PLCXD3: variants seen among roughly 807,000 people sequenced by gnomAD.
PLCXD3 encodes PI-PLC X domain-containing protein 3.
In PLCXD3, 19 loss-of-function variants were observed where a neutral mutation model predicts 25.5. That is an observed-to-expected ratio of 0.75 (90% confidence interval 0.52 to 1.09). The LOEUF (loss-of-function observed/expected upper bound fraction) is 1.09. PLCXD3 is among the 50% of genes least tolerant of loss of function. The pLI is 0.00. For missense variants in PLCXD3, 411 were observed against 388.1 expected (o/e 1.06, Z -0.50); for synonymous variants, 174 against 137.6 (o/e 1.26, Z -1.85).
At chr5:41,442,647 A>T (rs962408000) in intron 1 of PLCXD3, among the ~76,000 whole-genome samples, 1 of 152,232 alleles carries the variant, frequency 6.6e-6, no homozygotes. Context: ...AAAAGTAAGC[A>T]AACTAAGCAA....
At chr5:41,399,021 A>G (rs1360470045) in intron 1 of PLCXD3, among the ~76,000 whole-genome samples, 1 of 152,132 alleles carries the variant, frequency 6.6e-6, no homozygotes, top group Admixed American at 6.6e-5. Flanking sequence ...TATAAAATCA[A>G]CATACAAAAA....
intron 1 of PLCXD3, among the ~76,000 whole-genome samples, chr5:41,449,622 C>T (rs1326548067): frequency 6.6e-6 from 1 of 152,090 alleles, no homozygotes; most frequent in Non-Finnish European, 1.5e-5. Flanking sequence ...GTGTAAAGTA[C>T]ACTGATAAGC....
chr5:41,395,167 G>C (rs2150497652), intron 1 of PLCXD3, among the ~76,000 whole-genome samples: 1 of 152,188 alleles, frequency 6.6e-6, no homozygotes, highest in East Asian at 1.9e-4. Context: ...TTAACAACAA[G>C]ATGAATTTGG....
chr5:41,480,562 A>G (rs1471228793), intron 1 of PLCXD3, among the ~76,000 whole-genome samples: 1 of 151,822 alleles, frequency 6.6e-6, no homozygotes. Context: ...GAAATTCAGT[A>G]CTGTTTAGTT....
chr5:41,419,991 T>A (rs1202827329), intron 1 of PLCXD3, among the ~76,000 whole-genome samples: 1 of 152,220 alleles, frequency 6.6e-6, no homozygotes, highest in Non-Finnish European at 1.5e-5. Context: ...GTCTTTCCTT[T>A]TTCCCATTTC....
intron 1 of PLCXD3, among the ~76,000 whole-genome samples, chr5:41,411,984 A>G (rs1207439287): frequency 7.3e-6 from 1 of 136,082 alleles, no homozygotes; most frequent in Non-Finnish European, 1.6e-5. Context: ...ATCCATATAT[A>G]TCCATATCTA....
At chr5:41,464,988 G>A (rs188533971) in intron 1 of PLCXD3, among the ~76,000 whole-genome samples, 2 of 152,010 alleles carry the variant, frequency 1.3e-5, no homozygotes, top group African/African-American at 2.4e-5. Context: ...CAAAATATCT[G>A]CTTCTTGTTT....
At chr5:41,321,969 G>T (rs1398520248) in intron 2 of PLCXD3, among the ~76,000 whole-genome samples, 2 of 152,148 alleles carry the variant, frequency 1.3e-5, no homozygotes, top group Non-Finnish European at 2.9e-5. Flanking sequence ...CTCAAACTAT[G>T]AAACTACTAT....
chr5:41,448,685 C>T (rs567579604), intron 1 of PLCXD3, among the ~76,000 whole-genome samples: 1 of 152,118 alleles, frequency 6.6e-6, no homozygotes, highest in African/African-American at 2.4e-5. Flanking sequence ...TTCTTCTTTC[C>T]CTACCTCTTT....
chr5:41,407,610 C>G (rs1314315030), intron 1 of PLCXD3, among the ~76,000 whole-genome samples: 2 of 152,114 alleles, frequency 1.3e-5, no homozygotes, highest in Non-Finnish European at 2.9e-5. Context: ...GATTTTATGT[C>G]ATTAAAGACA....
chr5:41,461,800 C>T (rs958711417), intron 1 of PLCXD3, among the ~76,000 whole-genome samples: 2 of 151,938 alleles, frequency 1.3e-5, no homozygotes, highest in South Asian at 4.1e-4. Flanking sequence ...TCAGACTCTG[C>T]GTTGACACCT....
Position 41,313,280 on chromosome 5 carries a change from A to G in PLCXD3, c.*337T>C. On this transcript the variant is annotated 3_prime_UTR_variant, in exon 3 of 3. Transcript: ENST00000377801. ...AAAGGTTGCAGGGTATAGACAGCGTAGGAGTCATAGGCTGGAAATAGAGAA... is the reference window on the plus strand; with the variant it reads ...AAAGGTTGCAGGGTATAGACAGCGTGGGAGTCATAGGCTGGAAATAGAGAA... 1 of 242,116 alleles carries G rather than the reference A, an allele frequency of 4.1e-6. No individual in the cohort carries two copies. The highest frequency in any genetic ancestry group is 5.2e-5 in the Admixed American group (1 of 19,414). The allele number at this position is 242,116 out of a possible 1,614,324, so 15.0% of individuals were successfully genotyped here. A position where few individuals can be genotyped will look rare whatever the true frequency, so the allele number is the denominator to read the frequency against.
chr5:41,325,297 C>G (rs1422809428), intron 2 of PLCXD3, among the ~76,000 whole-genome samples: 1 of 152,134 alleles, frequency 6.6e-6, no homozygotes, highest in East Asian at 1.9e-4. Flanking sequence ...AGAGACAAAA[C>G]AAGCAATAAT....
At chr5:41,320,294 A>G (rs1047420944) in intron 2 of PLCXD3, among the ~76,000 whole-genome samples, 2 of 152,140 alleles carry the variant, frequency 1.3e-5, no homozygotes, top group African/African-American at 4.8e-5. Context: ...AAAACCAAAG[A>G]CACACCTAAA....
At chr5:41,353,559 GAGCATCT>G in intron 2 of PLCXD3, among the ~76,000 whole-genome samples, 1 of 152,252 alleles carries the variant, frequency 6.6e-6, no homozygotes, top group East Asian at 1.9e-4. Flanking sequence ...AATATTTATT[GAGCATCT>G]ACTATATGCC....
At chr5:41,401,732 G>A (rs1384641897) in intron 1 of PLCXD3, among the ~76,000 whole-genome samples, 2 of 151,936 alleles carry the variant, frequency 1.3e-5, no homozygotes, top group Non-Finnish European at 2.9e-5. Flanking sequence ...AACTGTTGAA[G>A]CCATCTAGTC....
intron 2 of PLCXD3, among the ~76,000 whole-genome samples, chr5:41,346,004 C>T (rs1184139228): frequency 2.6e-5 from 4 of 152,102 alleles, no homozygotes. Flanking sequence ...CTCAGCCTCC[C>T]AAGTAGCTGG....
intron 1 of PLCXD3, among the ~76,000 whole-genome samples, chr5:41,391,103 C>G (rs1289959873): frequency 2.0e-5 from 3 of 152,204 alleles, no homozygotes; most frequent in Non-Finnish European, 4.4e-5. Flanking sequence ...CTACAGCACT[C>G]TGAGCCTCCA....
At chr5:41,505,777 C>T (rs542479297) in intron 1 of PLCXD3, among the ~76,000 whole-genome samples, 1 of 152,302 alleles carries the variant, frequency 6.6e-6, no homozygotes, top group East Asian at 1.9e-4. Context: ...AATTAAGTCA[C>T]ATTTATTGCT....
Sources: gnomAD v4.1 joint callset for allele counts (sites outside exome capture counted in the v4.1 genomes callset) on GRCh38, gnomAD v4.1.1 for gene constraint, MANE v1.5 for transcripts, NCBI Gene and HGNC (gene_info 2026-07-23, HGNC 2026-07-21) for gene names.